The following CADM1 variants were observed in gnomAD, a reference collection of about 807,000 sequenced individuals.
CADM1 encodes TSLC-1.
A neutral mutation model predicts 53.1 loss-of-function variants in CADM1; 15 were observed. The observed-to-expected ratio is 0.28, with a 90% confidence interval of 0.19 to 0.44. The LOEUF (loss-of-function observed/expected upper bound fraction) is 0.44, where lower values mean the gene tolerates loss of function less well. CADM1 is among the 20% of genes least tolerant of loss of function. The pLI, the probability that CADM1 is intolerant of heterozygous loss-of-function variation, is 1.00. For missense variants in CADM1, 434 were observed against 611.3 expected (o/e 0.71, Z 3.06); for synonymous variants, 281 against 243.0 (o/e 1.16, Z -1.45).
intron 5 of CADM1, among the ~76,000 whole-genome samples, chr11:115,220,568 A>C (rs1230690300): frequency 6.6e-6 from 1 of 152,190 alleles, no homozygotes; most frequent in Non-Finnish European, 1.5e-5. Flanking sequence ...TGAAAAGGTA[A>C]GCGTTAGTCT....
At chr11:115,305,900 C>CAAA (rs35517673) in intron 1 of CADM1, among the ~76,000 whole-genome samples, 903 of 80,764 alleles carry the variant, frequency 0.011, 34 homozygotes, top group African/African-American at 0.038. Flanking sequence ...GACTCCATCT[C>CAAA]AAAAAAAAAA....
At chr11:115,371,711 T>A (rs1183405596) in intron 1 of CADM1, among the ~76,000 whole-genome samples, 2 of 149,856 alleles carry the variant, frequency 1.3e-5, no homozygotes, top group African/African-American at 4.9e-5. Context: ...CGATCTGGGC[T>A]CACTGCAAGC....
At chr11:115,320,313 T>C (rs1408904599) in intron 1 of CADM1, among the ~76,000 whole-genome samples, 1 of 152,170 alleles carries the variant, frequency 6.6e-6, no homozygotes, top group Non-Finnish European at 1.5e-5. Flanking sequence ...TCCTCCCGTC[T>C]TGGCATCCCA....
At chr11:115,482,105 T>G (rs763292308) in intron 1 of CADM1, among the ~76,000 whole-genome samples, 11 of 152,188 alleles carry the variant, frequency 7.2e-5, no homozygotes, top group Non-Finnish European at 1.2e-4. Flanking sequence ...TGCTTTTGTC[T>G]TTCCGCCCAT....
chr11:115,301,284 C>G (rs527983497), intron 1 of CADM1, among the ~76,000 whole-genome samples: 7 of 151,950 alleles, frequency 4.6e-5, no homozygotes, highest in African/African-American at 1.7e-4. Flanking sequence ...AATGAAAAAG[C>G]CCAGCTTCAC....
intron 1 of CADM1, among the ~76,000 whole-genome samples, chr11:115,357,909 T>C (rs564551600): frequency 7.2e-5 from 11 of 152,292 alleles, no homozygotes; most frequent in South Asian, 4.1e-4. Context: ...TTTTGGGAGC[T>C]TACAGTCCAG....
intron 1 of CADM1, among the ~76,000 whole-genome samples, chr11:115,385,173 T>C (rs1946669708): frequency 6.9e-6 from 1 of 143,952 alleles, no homozygotes; most frequent in South Asian, 2.2e-4. Flanking sequence ...ATTTGTAAAA[T>C]GTGCTTTCCA....
intron 10 of CADM1, 90 bp from the exon 11 acceptor site, chr11:115,178,865 CCTT>C (rs1464447534): frequency 1.2e-5 from 17 of 1,424,108 alleles, no homozygotes; most frequent in African/African-American, 8.4e-5. Context: ...CAGAGGGTCA[CCTT>C]CTTTTTTAAT....
chr11:115,194,582 A>C (rs1309625334), intron 9 of CADM1, among the ~76,000 whole-genome samples: 1 of 152,226 alleles, frequency 6.6e-6, no homozygotes. Flanking sequence ...AATTCATGAG[A>C]TCATCAGCCT....
chr11:115,372,162 A>G (rs922284524), intron 1 of CADM1, among the ~76,000 whole-genome samples: 3 of 152,192 alleles, frequency 2.0e-5, no homozygotes, highest in African/African-American at 4.8e-5. Flanking sequence ...ATGCCAAAAA[A>G]AGTCTGTACT....
chr11:115,332,678 G>A (rs2135221193), intron 1 of CADM1, among the ~76,000 whole-genome samples: 1 of 152,202 alleles, frequency 6.6e-6, no homozygotes, highest in Non-Finnish European at 1.5e-5. Flanking sequence ...TTGATTATAG[G>A]GGAGTACCCT....
intron 2 of CADM1, among the ~76,000 whole-genome samples, chr11:115,239,005 GA>G (rs1942117109): frequency 6.6e-6 from 1 of 151,970 alleles, no homozygotes. Flanking sequence ...TAGACAAAAA[GA>G]AAACAAAGGG....
chr11:115,365,245 A>C, intron 1 of CADM1, among the ~76,000 whole-genome samples: 1 of 133,074 alleles, frequency 7.5e-6, no homozygotes, highest in Non-Finnish European at 1.8e-5. Flanking sequence ...ATACGAGGTA[A>C]ACAGAAAGTG....
intron 1 of CADM1, among the ~76,000 whole-genome samples, chr11:115,315,743 TACTATAGCGTGTC>T (rs1458046900): frequency 1.3e-5 from 2 of 151,170 alleles, no homozygotes; most frequent in Non-Finnish European, 2.9e-5. Flanking sequence ...AGTATCTAAA[TACTATAGCGTGTC>T]ACAACTCTCC....
chr11:115,247,877 T>G (rs1942457364), intron 1 of CADM1, among the ~76,000 whole-genome samples: 1 of 152,224 alleles, frequency 6.6e-6, no homozygotes, highest in Non-Finnish European at 1.5e-5. Flanking sequence ...GCCCTCAACT[T>G]ACACACTGGA....
intron 1 of CADM1, among the ~76,000 whole-genome samples, chr11:115,488,993 A>G (rs74591637): frequency 0.022 from 3,344 of 152,310 alleles, 127 homozygotes; most frequent in African/African-American, 0.076. Flanking sequence ...AAGAATATAT[A>G]TATCTCAGTT....
chr11:115,318,513 T>C (rs1944735243), intron 1 of CADM1, among the ~76,000 whole-genome samples: 1 of 152,182 alleles, frequency 6.6e-6, no homozygotes, highest in Non-Finnish European at 1.5e-5. Context: ...AAGAAGTGTG[T>C]GATCTGGAGA....
At chr11:115,364,458 G>A (rs1019241443) in intron 1 of CADM1, among the ~76,000 whole-genome samples, 3 of 151,642 alleles carry the variant, frequency 2.0e-5, no homozygotes, top group Non-Finnish European at 4.4e-5. Context: ...CCTGGACTTG[G>A]TCTTGTAGAA....
At chr11:115,501,434 A>T (rs1234297750) in intron 1 of CADM1, among the ~76,000 whole-genome samples, 17 of 152,102 alleles carry the variant, frequency 1.1e-4, no homozygotes, top group Admixed American at 1.1e-3. Context: ...CATCTTCTCT[A>T]ATCCTGAAAA....
Sources: gnomAD v4.1 joint callset for allele counts (sites outside exome capture counted in the v4.1 genomes callset) on GRCh38, gnomAD v4.1.1 for gene constraint, MANE v1.5 for transcripts, NCBI Gene and HGNC (gene_info 2026-07-23, HGNC 2026-07-21) for gene names.